Variants in JAZF1 observed in about 807,000 individuals in gnomAD.
JAZF1 encodes JAZF zinc finger 1.
Under a neutral mutation model 26.4 loss-of-function variants are expected in JAZF1, and 8 were observed. The observed-to-expected ratio is 0.30, with a 90% CI of 0.18 to 0.55. JAZF1 has a LOEUF of 0.55. JAZF1 is among the 20% of genes least tolerant of loss of function. The probability of loss-of-function intolerance (pLI) is 0.94; values close to 1 mark genes in which losing one functional copy is unlikely to be tolerated. For synonymous variants in JAZF1, 126 were observed against 122.3 expected, an observed-to-expected ratio of 1.03 and a Z score of -0.20; for missense variants, 199 against 322.0, an observed-to-expected ratio of 0.62 and a Z score of 2.92.
chr7:28,028,627 G>A (rs1445239445), intron 1 of JAZF1, among the ~76,000 whole-genome samples: 1 of 152,192 alleles, frequency 6.6e-6, no homozygotes, highest in Non-Finnish European at 1.5e-5. Flanking sequence ...AGATGCAAGA[G>A]TCAATTGTCA....
chr7:28,036,096 A>T (rs973567248), intron 1 of JAZF1, among the ~76,000 whole-genome samples: 1 of 152,202 alleles, frequency 6.6e-6, no homozygotes, highest in Admixed American at 6.5e-5. Flanking sequence ...TACTCAGTAA[A>T]TTATAATCAT....
intron 2 of JAZF1, among the ~76,000 whole-genome samples, chr7:27,897,173 C>T (rs991289152): frequency 6.6e-6 from 1 of 152,114 alleles, no homozygotes; most frequent in Non-Finnish European, 1.5e-5. Flanking sequence ...AGTGGCAAAG[C>T]CACAGGATAA....
At chr7:27,971,424 T>C (rs1785374215) in intron 2 of JAZF1, among the ~76,000 whole-genome samples, 1 of 152,132 alleles carries the variant, frequency 6.6e-6, no homozygotes, top group Admixed American at 6.5e-5. Context: ...TGAGAACAAG[T>C]AATTTAGAAA....
intron 2 of JAZF1, among the ~76,000 whole-genome samples, chr7:27,984,386 T>C (rs1441808157): frequency 6.6e-6 from 1 of 152,202 alleles, no homozygotes; most frequent in African/African-American, 2.4e-5. Flanking sequence ...AAGGGATCAA[T>C]TCAACAAGAA....
Position 27,966,261 on chromosome 7 carries a change from G to C in JAZF1, c.188+25648C>G, listed in dbSNP as rs369860390. Among the ~76,000 whole-genome samples, 10 of 152,328 alleles carry C rather than the reference G, an allele frequency of 6.6e-5. No individual in the cohort carries two copies. In the East Asian group the frequency reaches 9.6e-4, roughly 15 times the overall value. On this transcript the variant is annotated intron_variant, in intron 2 of 4. Transcript: ENST00000283928. ...GGTGCCTTGCACAGATGCTGGGTTT[G>C]AGTTTTACTTGGGAAGAGGGTGCTG... is the stretch of plus-strand genomic sequence containing the variant.
chr7:28,098,522 C>T (rs1335998782), intron 1 of JAZF1, among the ~76,000 whole-genome samples: 1 of 152,162 alleles, frequency 6.6e-6, no homozygotes, highest in East Asian at 1.9e-4. Flanking sequence ...AAACAAATAG[C>T]ACTCAATCAT....
chr7:27,861,813 C>G (rs1367593801), intron 3 of JAZF1, among the ~76,000 whole-genome samples: 1 of 152,230 alleles, frequency 6.6e-6, no homozygotes, highest in Non-Finnish European at 1.5e-5. Context: ...AAGGTCCACA[C>G]AGTGAACCTG....
chr7:27,961,830 T>A (rs1171015910), intron 2 of JAZF1, among the ~76,000 whole-genome samples: 2 of 152,164 alleles, frequency 1.3e-5, no homozygotes. Flanking sequence ...GCCATGGTAT[T>A]TGAGAATCTA....
At chr7:28,057,353 G>A (rs879803472) in intron 1 of JAZF1, among the ~76,000 whole-genome samples, 1 of 152,154 alleles carries the variant, frequency 6.6e-6, no homozygotes, top group Non-Finnish European at 1.5e-5. Flanking sequence ...ATAGGTTGAA[G>A]AGAGACCCTG....
intron 3 of JAZF1, among the ~76,000 whole-genome samples, chr7:27,866,230 A>G (rs1342164155): frequency 6.6e-6 from 1 of 152,250 alleles, no homozygotes; most frequent in Non-Finnish European, 1.5e-5. Context: ...TACAATTTCT[A>G]TATGATAAAA....
At chr7:28,052,132 G>A (rs932484759) in intron 1 of JAZF1, among the ~76,000 whole-genome samples, 3 of 152,154 alleles carry the variant, frequency 2.0e-5, no homozygotes, top group East Asian at 1.9e-4. Flanking sequence ...TGTCATTTTT[G>A]TATAGTTAAC....
At chr7:27,975,288 A>G (rs1178139417) in intron 2 of JAZF1, among the ~76,000 whole-genome samples, 1 of 152,138 alleles carries the variant, frequency 6.6e-6, no homozygotes, top group Non-Finnish European at 1.5e-5. Context: ...TTAAACAACC[A>G]GATCCTGTGA....
intron 2 of JAZF1, among the ~76,000 whole-genome samples, chr7:27,974,145 C>T (rs1415052847): frequency 6.6e-6 from 1 of 151,978 alleles, no homozygotes; most frequent in Non-Finnish European, 1.5e-5. Flanking sequence ...ACGGGCCTGG[C>T]ACTAGATGAG....
intron 1 of JAZF1, among the ~76,000 whole-genome samples, chr7:28,098,930 T>C (rs1189535537): frequency 2.6e-5 from 4 of 152,208 alleles, no homozygotes; most frequent in African/African-American, 9.7e-5. Flanking sequence ...GGATTATTCA[T>C]AAAACAAAGC....
chr7:28,082,125 T>C (rs150819401), intron 1 of JAZF1, among the ~76,000 whole-genome samples: 74 of 152,324 alleles, frequency 4.9e-4, no homozygotes, highest in African/African-American at 1.5e-3. Context: ...ATCTGGAGAC[T>C]TGAAACTTTA....
chr7:28,116,819 A>ATTTTCTTTTTCTT, intron 1 of JAZF1, among the ~76,000 whole-genome samples: 1 of 150,314 alleles, frequency 6.7e-6, no homozygotes, highest in South Asian at 2.1e-4. Context: ...ATTCCAAGTC[A>ATTTTCTTTTTCTT]TTTTCTTTTT....
chr7:27,901,412 A>T (rs1236431343), intron 2 of JAZF1, among the ~76,000 whole-genome samples: 2 of 152,196 alleles, frequency 1.3e-5, no homozygotes, highest in African/African-American at 4.8e-5. Context: ...GGAAAATGTC[A>T]ACTGCTGGTC....
chr7:28,103,166 G>A (rs1179424595), intron 1 of JAZF1, among the ~76,000 whole-genome samples: 1 of 151,626 alleles, frequency 6.6e-6, no homozygotes, highest in African/African-American at 2.4e-5. Context: ...CTCCTTCTTG[G>A]TCTCCTTTAC....
chr7:27,841,967 G>A (rs972312866), intron 3 of JAZF1: 22 of 152,190 alleles, frequency 1.4e-4, no homozygotes, highest in African/African-American at 5.1e-4. Context: ...CCCCAGGTGT[G>A]AGGCTACATT....
Sources: gnomAD v4.1 joint callset for allele counts (sites outside exome capture counted in the v4.1 genomes callset) on GRCh38, gnomAD v4.1.1 for gene constraint, MANE v1.5 for transcripts, NCBI Gene and HGNC (gene_info 2026-07-23, HGNC 2026-07-21) for gene names.